CASD1: variants seen among roughly 807,000 people sequenced by gnomAD.
The protein encoded by CASD1 is CAS1 domain sialic acid O acetyltransferase 1, also known as N-acetylneuraminate (7)9-O-acetyltransferase.
A neutral mutation model predicts 100.0 loss-of-function variants in CASD1; 41 were observed. The observed-to-expected ratio is 0.41, with a 90% CI of 0.32 to 0.53. The LOEUF (loss-of-function observed/expected upper bound fraction) is 0.53, where lower values mean the gene tolerates loss of function less well. Among genes scored for constraint, CASD1 ranks in the 20% least tolerant of loss-of-function variants. The pLI, the probability that CASD1 is intolerant of heterozygous loss-of-function variation, is 0.25. For synonymous variants in CASD1, 321 were observed against 315.6 expected (o/e 1.02, Z -0.18); for missense variants, 774 against 948.7 (o/e 0.82, Z 2.42).
chr7:94,584,258 C>G, the CASD1 span, among the ~76,000 whole-genome samples: 2 of 152,264 alleles, frequency 1.3e-5, no homozygotes, highest in East Asian at 1.9e-4. Context: ...GTAAGAGCAA[C>G]AGTTTGTTTA....
chr7:94,510,242 G>A, intron 1 of CASD1, 25 bp downstream of exon 1: 2 of 1,444,674 alleles, frequency 1.4e-6, no homozygotes, highest in Middle Eastern at 2.5e-4. Context: ...CCCTCTGCCC[G>A]GGCAGGCCGT....
At position 94,539,068 on chromosome 7, in the gene CASD1, G is replaced by A. The variant is rs756412073; in HGVS notation, c.1356+12G>A. 2.7e-6 allele frequency: 4 copies of A among 1,506,910 alleles called. No individual in the cohort carries two copies. The highest frequency in any genetic ancestry group is 2.3e-5 in the East Asian group (1 of 44,114). The allele number at this position is 1,506,910 out of a possible 1,614,324, so 93.3% of individuals were successfully genotyped here. A position where few individuals can be genotyped will look rare whatever the true frequency, so the allele number is the denominator to read the frequency against. ...CTGGAGCAAGTACAGTAAGTATTTG[G>A]AATTTAAGTTCAGAAAGTATAGGAA... On this transcript the variant is annotated intron_variant, in intron 10 of 17. Transcript: ENST00000297273.
the CASD1 span, chr7:94,628,982 T>C: frequency 6.5e-6 from 1 of 152,826 alleles, no homozygotes. Context: ...TGGCTAACTA[T>C]ATTGTGGAAG....
the CASD1 span, chr7:94,618,461 T>G: frequency 2.0e-4 from 57 of 281,442 alleles, 1 homozygote; most frequent in Middle Eastern, 1.2e-3. Context: ...CCTTTGAAAT[T>G]CATGGCCCTA....
At chr7:94,615,098 C>G in the CASD1 span, among the ~76,000 whole-genome samples, 1 of 152,146 alleles carries the variant, frequency 6.6e-6, no homozygotes, top group Admixed American at 6.5e-5. Context: ...CAGTAGCTCA[C>G]GCCTGTAAGC....
the CASD1 span, among the ~76,000 whole-genome samples, chr7:94,613,694 A>G: frequency 1.3e-5 from 2 of 152,224 alleles, no homozygotes; most frequent in African/African-American, 4.8e-5. Context: ...AGCAATAGCC[A>G]AATATATGGA....
the CASD1 span, chr7:94,627,985 C>T: frequency 2.0e-6 from 1 of 510,044 alleles, no homozygotes; most frequent in Admixed American, 3.2e-5. Flanking sequence ...CAAATTTAGA[C>T]TGTCATTTTT....
chr7:94,555,143 A>C (rs996015767), intron 17 of CASD1, among the ~76,000 whole-genome samples: 4 of 152,252 alleles, frequency 2.6e-5, no homozygotes, highest in African/African-American at 7.2e-5. Context: ...TTGAAATAGA[A>C]TGTTTTAAAA....
the CASD1 span, among the ~76,000 whole-genome samples, chr7:94,606,407 G>T: frequency 1.3e-5 from 2 of 152,146 alleles, no homozygotes; most frequent in African/African-American, 4.8e-5. Flanking sequence ...TGATAAAGAG[G>T]TCAATTCTTT....
chr7:94,608,303 T>A, the CASD1 span, among the ~76,000 whole-genome samples: 1 of 152,170 alleles, frequency 6.6e-6, no homozygotes, highest in African/African-American at 2.4e-5. Context: ...GCCACTGCAC[T>A]CCAGCCTGGG....
chr7:94,579,679 A>C, the CASD1 span, among the ~76,000 whole-genome samples: 1 of 152,192 alleles, frequency 6.6e-6, no homozygotes, highest in Admixed American at 6.5e-5. Context: ...TAGCTGCTGC[A>C]TGAATGTTCA....
the CASD1 span, chr7:94,600,705 T>G: frequency 3.7e-6 from 6 of 1,613,938 alleles, no homozygotes; most frequent in Non-Finnish European, 4.2e-6. Context: ...CCAGTGCCAC[T>G]GCCGAGGGCA....
rs140803162 is a variant in CASD1, at chr7:94,531,375, C to T, written c.460-1830C>T. ...AGGAAGATAGCTGGGGGAGTATAGACAAGTTGTAAGAATGAAGGAAGGAAG... is the reference window on the plus strand; with the variant it reads ...AGGAAGATAGCTGGGGGAGTATAGATAAGTTGTAAGAATGAAGGAAGGAAG... On this transcript the variant is annotated intron_variant, in intron 5 of 17. Coordinates refer to ENST00000297273, the MANE Select transcript of CASD1 (RefSeq NM_022900.5). Among the ~76,000 whole-genome samples the T allele has an allele frequency of 4.5e-3, 678 of 152,136 alleles. 2 individuals carry two copies. Among genetic ancestry groups the T allele is most frequent in the Non-Finnish European group, 8.0e-3 (543 of 67,988 alleles).
chr7:94,631,345 G>A, the CASD1 span, among the ~76,000 whole-genome samples: 3 of 151,694 alleles, frequency 2.0e-5, no homozygotes, highest in Non-Finnish European at 4.4e-5. Flanking sequence ...CTGAATGTGA[G>A]GTGCTATGGG....
chr7:94,621,299 C>G, the CASD1 span: 1 of 152,356 alleles, frequency 6.6e-6, no homozygotes, highest in East Asian at 1.9e-4. Flanking sequence ...GGGCCACTAA[C>G]CCTACACAAA....
At chr7:94,595,155 T>C in the CASD1 span, among the ~76,000 whole-genome samples, 5 of 152,174 alleles carry the variant, frequency 3.3e-5, no homozygotes, top group African/African-American at 1.2e-4. Flanking sequence ...TCTTACTGAC[T>C]AATTTATGGT....
chr7:94,555,775 A>G lies in CASD1; in HGVS notation c.*17A>G, dbSNP rs1439265508. On this transcript the variant is annotated 3_prime_UTR_variant, in exon 18 of 18. Transcript: ENST00000297273. ...AAACATTAGGTTCCAAAAATTCTAA[A>G]AAACCTAAACTCTTCAGGCTACCTT... 6.2e-7 allele frequency: 1 copy of G among 1,604,962 alleles called. No individual in the cohort carries two copies. Among genetic ancestry groups the G allele is most frequent in the South Asian group, 1.1e-5 (1 of 89,798 alleles).
rs375717351 is a variant in CASD1, at chr7:94,555,650, T to G, written c.2286T>G (p.Ile762Met). 1.2e-6 allele frequency: 2 copies of G among 1,613,380 alleles called. No homozygotes were observed. The highest frequency in any genetic ancestry group is 1.7e-6 in the Non-Finnish European group (2 of 1,179,512). Reference protein sequence around the residue: ...ISQITNDLAQIIIPKDNSSLL... With the variant: ...ISQITNDLAQMIIPKDNSSLL... ...AGATCACTAATGATCTTGCACAGAT[T>G]ATTATTCCTAAAGATAACTCATCTC... The change falls in exon 18 of 18, where the codon ATT (isoleucine) becomes ATG (methionine). Residue 762 changes from isoleucine (I) to methionine (M), a missense_variant. Physicochemically the swap from Ile to Met is conservative, Grantham distance 10. Coordinates refer to ENST00000297273, the MANE Select transcript of CASD1 (RefSeq NM_022900.5).
rs1399845341 is a variant in CASD1 at position 94,535,296 on chromosome 7, G to A, written c.629-13G>A. ...TTTTAAAATGTGTTTTTAAAAATGTGTCTCACGTGCAGATCCTGTTTATGA... is the reference window on the plus strand; with the variant it reads ...TTTTAAAATGTGTTTTTAAAAATGTATCTCACGTGCAGATCCTGTTTATGA... On this transcript the variant is annotated splice_polypyrimidine_tract_variant and intron_variant, in intron 7 of 17. Coordinates refer to ENST00000297273, the MANE Select transcript of CASD1 (RefSeq NM_022900.5). The A allele has an allele frequency of 1.3e-6, 2 of 1,584,978 alleles. No individual in the cohort carries two copies. Among genetic ancestry groups the A allele is most frequent in the Non-Finnish European group, 1.7e-6 (2 of 1,158,006 alleles).
Sources: gnomAD v4.1 joint callset for allele counts (sites outside exome capture counted in the v4.1 genomes callset) on GRCh38, gnomAD v4.1.1 for gene constraint, MANE v1.5 for transcripts, NCBI Gene and HGNC (gene_info 2026-07-23, HGNC 2026-07-21) for gene names.